The following NTNG1 variants were observed in gnomAD, a reference collection of about 807,000 sequenced individuals.
NTNG1 encodes the protein netrin G1, also known as netrin-G1.
In NTNG1, 16 loss-of-function variants were observed where a neutral mutation model predicts 54.0. The ratio of observed to expected loss-of-function variants is 0.30; its 90% confidence interval spans 0.20 to 0.45. The LOEUF (loss-of-function observed/expected upper bound fraction) is 0.45, where lower values mean the gene tolerates loss of function less well. NTNG1 is among the 20% of genes least tolerant of loss of function. The pLI, the probability that NTNG1 is intolerant of heterozygous loss-of-function variation, is 1.00. For missense variants in NTNG1, 530 were observed against 678.7 expected (o/e 0.78, Z 2.43); for synonymous variants, 255 against 263.1 (o/e 0.97, Z 0.30).
intron 7 of NTNG1, among the ~76,000 whole-genome samples, chr1:107,441,839 A>C (rs1255028346): frequency 1.3e-5 from 2 of 152,082 alleles, no homozygotes; most frequent in Admixed American, 6.6e-5. Flanking sequence ...AAAGATATGC[A>C]ATGATAAAAC....
rs143989231 is a variant in NTNG1 at position 107,315,484 on chromosome 1, T to C, written c.247-8798T>C. ...CTTCAGGCTCATGCATGATCTCCTC[T>C]GTGACTTCTTCCCCAGCCTCATCCC... On this transcript the variant is annotated intron_variant, in intron 2 of 7. Coordinates refer to ENST00000370068, the MANE Select transcript of NTNG1 (RefSeq NM_001113226.3). Among the ~76,000 whole-genome samples, 558 of 152,300 alleles carry C rather than the reference T, an allele frequency of 3.7e-3. 1 individual carries two copies. The highest frequency in any genetic ancestry group is 5.7e-3 in the Non-Finnish European group (391 of 68,004).
At position 107,481,538 on chromosome 1, in the gene NTNG1, T is replaced by A. The variant is rs1417727700; in HGVS notation, c.*698T>A. 6.5e-6 allele frequency: 1 copy of A among 152,676 alleles called. No individual in the cohort carries two copies. The highest frequency in any genetic ancestry group is 2.4e-5 in the African/African-American group (1 of 41,466). 9.5% of individuals were successfully genotyped at this position (152,676 alleles called of 1,614,324 possible). On this transcript the variant is annotated 3_prime_UTR_variant, in exon 8 of 8. Transcript: ENST00000370068. ...AAAAGAAAGTGTATCTATCCTTTTG[T>A]ATTCAAATGAAGTTATTTTTCTTGA... is the stretch of plus-strand genomic sequence containing the variant.
At chr1:107,386,943 C>T (rs1021995226) in intron 3 of NTNG1, among the ~76,000 whole-genome samples, 6 of 152,320 alleles carry the variant, frequency 3.9e-5, no homozygotes, top group African/African-American at 1.2e-4. Context: ...TTACAGCCAT[C>T]CTAGTGTGAA....
chr1:107,145,241 A>G (rs1654019317), intron 1 of NTNG1, among the ~76,000 whole-genome samples: 1 of 152,070 alleles, frequency 6.6e-6, no homozygotes, highest in Admixed American at 6.5e-5. Flanking sequence ...CTATTTTTAC[A>G]TCATTGTATT....
At chr1:107,433,472 A>T (rs938577690) in intron 6 of NTNG1, among the ~76,000 whole-genome samples, 2 of 152,118 alleles carry the variant, frequency 1.3e-5, no homozygotes, top group African/African-American at 4.8e-5. Flanking sequence ...GTTGAACTCG[A>T]GAGGTAGAGG....
chr1:107,430,411 C>T (rs1470997730), intron 5 of NTNG1, among the ~76,000 whole-genome samples: 1 of 152,038 alleles, frequency 6.6e-6, no homozygotes, highest in African/African-American at 2.4e-5. Context: ...AATTCTCCAT[C>T]TGCAAAAAAT....
rs377615664 is a variant in NTNG1, at chr1:107,253,090, CTT to C, written c.247-71191_247-71190del. 4.4e-3 allele frequency among the ~76,000 whole-genome samples: 663 copies of C among 152,334 alleles called. 5 individuals carry two copies. The highest frequency in any genetic ancestry group is 0.015 in the African/African-American group (626 of 41,584). On this transcript the variant is annotated intron_variant, in intron 2 of 7. Coordinates refer to ENST00000370068, the MANE Select transcript of NTNG1 (RefSeq NM_001113226.3). ...GGTACCAAGTATTTTGAAATCCACT[CTT>C]AATTTCATGGATGTTTTCCAGAACA...
At chr1:107,422,921 G>A (rs562222168) in intron 5 of NTNG1, among the ~76,000 whole-genome samples, 1 of 152,162 alleles carries the variant, frequency 6.6e-6, no homozygotes, top group East Asian at 1.9e-4. Context: ...AAACGAGGAT[G>A]CAAAGGAGAA....
chr1:107,419,017 T>G (rs1674403754), intron 5 of NTNG1, among the ~76,000 whole-genome samples: 1 of 152,024 alleles, frequency 6.6e-6, no homozygotes, highest in South Asian at 2.1e-4. Flanking sequence ...AACTGGTACC[T>G]CAGTTGTACT....
intron 2 of NTNG1, among the ~76,000 whole-genome samples, chr1:107,191,968 G>A (rs913032554): frequency 4.6e-4 from 70 of 152,224 alleles, no homozygotes; most frequent in African/African-American, 1.6e-3. Flanking sequence ...TGTGAAGACA[G>A]TCATTGGTAG....
At chr1:107,377,337 C>A (rs1315045442) in intron 3 of NTNG1, among the ~76,000 whole-genome samples, 2 of 152,150 alleles carry the variant, frequency 1.3e-5, no homozygotes, top group African/African-American at 4.8e-5. Flanking sequence ...CTGCCTGGCT[C>A]CAGAGAAAGA....
rs898572632 is a variant in NTNG1 at position 107,482,725 on chromosome 1, T to C, written c.*1885T>C. On this transcript the variant is annotated 3_prime_UTR_variant, in exon 8 of 8. Transcript: ENST00000370068. ...AATTCTTCACCCTGCTGCCACTCCT[T>C]GCTGAAACAGGGAAGGGGGGAGGAA... 1 of 152,176 alleles carries C rather than the reference T, an allele frequency of 6.6e-6. No homozygotes were observed. The highest frequency in any genetic ancestry group is 6.5e-5 in the Admixed American group (1 of 15,274). 9.4% of individuals were successfully genotyped at this position (152,176 alleles called of 1,614,324 possible). A position where few individuals can be genotyped will look rare whatever the true frequency, so the allele number is the denominator to read the frequency against.
chr1:107,447,582 C>G (rs920689862), intron 7 of NTNG1, among the ~76,000 whole-genome samples: 1 of 152,006 alleles, frequency 6.6e-6, no homozygotes, highest in Admixed American at 6.6e-5. Flanking sequence ...AATCAGGCCT[C>G]GAAATTTCTG....
chr1:107,359,770 G>A (rs1670152639), intron 3 of NTNG1, among the ~76,000 whole-genome samples: 1 of 152,074 alleles, frequency 6.6e-6, no homozygotes, highest in Admixed American at 6.6e-5. Context: ...CATACACCGT[G>A]CTAATTCACC....
chr1:107,432,031 C>A (rs992057304), intron 6 of NTNG1, among the ~76,000 whole-genome samples: 3 of 152,148 alleles, frequency 2.0e-5, no homozygotes, highest in Admixed American at 1.3e-4. Flanking sequence ...ATATATAATA[C>A]TGTTGGTGTC....
intron 4 of NTNG1, among the ~76,000 whole-genome samples, chr1:107,405,585 A>T (rs1673363296): frequency 6.6e-6 from 1 of 152,178 alleles, no homozygotes; most frequent in Admixed American, 6.6e-5. Context: ...TGCAGCAAAT[A>T]CTGCATCAAA....
chr1:107,170,542 A>T (rs1429187170), intron 2 of NTNG1, among the ~76,000 whole-genome samples: 6 of 152,168 alleles, frequency 3.9e-5, no homozygotes, highest in Non-Finnish European at 4.4e-5. Context: ...GAAAATAATT[A>T]TTTAAATGGC....
intron 3 of NTNG1, among the ~76,000 whole-genome samples, chr1:107,346,055 T>G (rs1669204370): frequency 6.6e-6 from 1 of 152,184 alleles, no homozygotes; most frequent in Admixed American, 6.6e-5. Flanking sequence ...TGGGGTCTGG[T>G]GTCTCCCTGC....
At chr1:107,458,472 A>T (rs1372894339) in intron 7 of NTNG1, among the ~76,000 whole-genome samples, 3 of 152,178 alleles carry the variant, frequency 2.0e-5, no homozygotes, top group African/African-American at 7.2e-5. Flanking sequence ...AGGTAATTAC[A>T]TTGGCTATTA....
Sources: gnomAD v4.1 joint callset for allele counts (sites outside exome capture counted in the v4.1 genomes callset) on GRCh38, gnomAD v4.1.1 for gene constraint, MANE v1.5 for transcripts, NCBI Gene and HGNC (gene_info 2026-07-23, HGNC 2026-07-21) for gene names.